Variants in XPO5 observed in about 807,000 individuals in gnomAD.
XPO5 encodes exportin 5.
Under a neutral mutation model 160.6 loss-of-function variants are expected in XPO5, and 46 were observed. The ratio of observed to expected loss-of-function variants is 0.29; its 90% confidence interval spans 0.23 to 0.37. The LOEUF (loss-of-function observed/expected upper bound fraction) is 0.37, where lower values mean the gene tolerates loss of function less well. XPO5 is among the 10% of genes least tolerant of loss of function. The pLI is 1.00. For synonymous variants in XPO5, 537 were observed against 519.3 expected, an observed-to-expected ratio of 1.03 and a Z score of -0.46; for missense variants, 1,090 against 1,463.9, an observed-to-expected ratio of 0.74 and a Z score of 4.17.
At position 43,523,267 on chromosome 6, in the gene XPO5, C is replaced by T. The variant is rs1793309817; in HGVS notation, c.*601G>A. On this transcript the variant is annotated 3_prime_UTR_variant, in exon 32 of 32. Coordinates refer to ENST00000265351, the MANE Select transcript of XPO5 (RefSeq NM_020750.3). ...ATACTGTGCCAAGTTTAGCAGTAGC[C>T]TGTACCATGGATCCCATCAGGTGAC... is the stretch of plus-strand genomic sequence containing the variant. The T allele has an allele frequency of 4.5e-6, 1 of 222,358 alleles. No individual in the cohort carries two copies. The highest frequency in any genetic ancestry group is 9.1e-6 in the Non-Finnish European group (1 of 110,348). 13.8% of individuals were successfully genotyped at this position (222,358 alleles called of 1,614,324 possible).
At chr6:43,528,694 G>C in intron 24 of XPO5, 134 bp downstream of exon 24, 1 of 793,832 alleles carries the variant, frequency 1.3e-6, no homozygotes, top group Non-Finnish European at 2.1e-6. Flanking sequence ...TAGTCAGCTG[G>C]GGTAGAAGCT....
chr6:43,536,626 G>A (rs955850114), intron 20 of XPO5, among the ~76,000 whole-genome samples: 1 of 151,178 alleles, frequency 6.6e-6, no homozygotes, highest in Non-Finnish European at 1.5e-5. Context: ...AGGCATGGTG[G>A]CACACGCCTG....
intron 10 of XPO5, 48 bp from the exon 11 acceptor site, chr6:43,560,351 A>T: frequency 1.3e-6 from 2 of 1,538,108 alleles, no homozygotes; most frequent in Non-Finnish European, 1.7e-6. Flanking sequence ...GATTCTATAT[A>T]ACCCAGATTA....
Position 43,525,285 on chromosome 6 carries a change from A to G in XPO5, c.3067-71T>C, listed in dbSNP as rs564348795. 125 of 1,401,872 alleles carry G rather than the reference A, an allele frequency of 8.9e-5. No homozygotes were observed. The African/African-American group carries it at 1.7e-3, about 19-fold the overall frequency. The allele number at this position is 1,401,872 out of a possible 1,614,324, so 86.8% of individuals were successfully genotyped here. A position where few individuals can be genotyped will look rare whatever the true frequency, so the allele number is the denominator to read the frequency against. ...TTTTCTCTGATGATTATTACACATC[A>G]GGAGCCGGAGGGTTTTTTTTTTTTC... is the stretch of plus-strand genomic sequence containing the variant. On this transcript the variant is annotated intron_variant, in intron 28 of 31. Coordinates refer to ENST00000265351, the MANE Select transcript of XPO5 (RefSeq NM_020750.3).
chr6:43,569,888 G>T (rs963985532), intron 5 of XPO5, among the ~76,000 whole-genome samples: 2 of 151,224 alleles, frequency 1.3e-5, no homozygotes, highest in African/African-American at 4.9e-5. Flanking sequence ...TTTGAGACTA[G>T]CCTTGCTAAC....
At chr6:43,569,352 A>G (rs1762871544) in intron 5 of XPO5, among the ~76,000 whole-genome samples, 1 of 152,184 alleles carries the variant, frequency 6.6e-6, no homozygotes, top group Admixed American at 6.5e-5. Context: ...ACATCAGAAT[A>G]GTGGCTATTC....
At position 43,534,257 on chromosome 6, in the gene XPO5, AG is replaced by A. The variant is rs1794177016; in HGVS notation, c.2343-251del. On this transcript the variant is annotated intron_variant, in intron 20 of 31. Coordinates refer to ENST00000265351, the MANE Select transcript of XPO5 (RefSeq NM_020750.3). The stretch of plus-strand genomic sequence containing the variant: ...AGAACTAAACCCCAAGACACAGGAC[AG>A]TATCAGAGTCCAAAGCTAGAAAGCA... Among the ~76,000 whole-genome samples, 3 of 152,240 alleles carry A rather than the reference AG, an allele frequency of 2.0e-5. No homozygotes were observed. The South Asian group carries it at 6.2e-4, about 31-fold the overall frequency.
chr6:43,529,378 TAAA>T (rs35493258), intron 23 of XPO5: 3,230 of 118,952 alleles, frequency 0.027, no homozygotes, highest in Middle Eastern at 0.071. Flanking sequence ...CCGTCTCTAC[TAAA>T]AAAAAAAAAA....
At position 43,548,334 on chromosome 6, in the gene XPO5, C is replaced by T. The variant is rs764867205; in HGVS notation, c.1987G>A (p.Glu663Lys). The change falls in exon 18 of 32, where the codon GAG (glutamate) becomes AAG (lysine). Residue 663 changes from glutamate to lysine, a missense_variant. Transcript: ENST00000265351. The part of the protein sequence containing the change: ...VLISNQFKNY[E>K]RQKVFLEELM... ...TCCTCTAGGAACACCTTCTGACGCT[C>T]GTAGTTCTTAAATTGGTTGCTAATG... 23 of 1,613,434 alleles carry T rather than the reference C, an allele frequency of 1.4e-5. No individual in the cohort carries two copies. The highest frequency in any genetic ancestry group is 1.8e-5 in the Non-Finnish European group (21 of 1,179,642).
intron 20 of XPO5, chr6:43,538,899 A>C (rs973614458): frequency 8.0e-7 from 1 of 1,246,164 alleles, no homozygotes. Context: ...TGGTCAGTGA[A>C]TTCCTGATAG....
At chr6:43,528,127 T>C in intron 25 of XPO5, 32 bp downstream of exon 25, 1 of 1,574,408 alleles carries the variant, frequency 6.4e-7, no homozygotes, top group South Asian at 1.2e-5. Context: ...TGCCAGTTCA[T>C]CCACCAAGAA....
chr6:43,548,324 T>C lies in XPO5; in HGVS notation c.1997A>G (p.Lys666Arg), dbSNP rs766221311. The part of the protein sequence containing the change: ...SNQFKNYERQ[K>R]VFLEELMAPV... The stretch of plus-strand genomic sequence containing the variant: ...TGCCATCAGCTCCTCTAGGAACACC[T>C]TCTGACGCTCGTAGTTCTTAAATTG... The change falls in exon 18 of 32, where the codon AAG (lysine) becomes AGG (arginine). Residue 666 changes from lysine (K) to arginine (R), a missense_variant. Transcript: ENST00000265351. 6.8e-6 allele frequency: 11 copies of C among 1,613,572 alleles called. No homozygotes were observed. Among genetic ancestry groups the C allele is most frequent in the Non-Finnish European group, 7.6e-6 (9 of 1,179,692 alleles).
At chr6:43,526,384 T>C in intron 27 of XPO5, 4 of 450,150 alleles carry the variant, frequency 8.9e-6, no homozygotes, top group Non-Finnish European at 1.6e-5. Context: ...GTAGCTGGGG[T>C]TGCCATTTTT....
At chr6:43,559,917 G>A (rs762467842) in intron 11 of XPO5, among the ~76,000 whole-genome samples, 3 of 152,056 alleles carry the variant, frequency 2.0e-5, no homozygotes, top group Non-Finnish European at 2.9e-5. Context: ...CCAAGCTCAG[G>A]TGATCCTCCC....
intron 6 of XPO5, among the ~76,000 whole-genome samples, chr6:43,568,416 G>A (rs1433365130): frequency 3.9e-5 from 6 of 151,928 alleles, no homozygotes; most frequent in East Asian, 1.9e-4. Context: ...GTTTGACACC[G>A]GCCTAGGCAA....
chr6:43,528,272 T>G, intron 24 of XPO5, 67 bp from the exon 25 acceptor site: 1 of 1,471,002 alleles, frequency 6.8e-7, no homozygotes, highest in Non-Finnish European at 9.3e-7. Context: ...ATATCTAAAG[T>G]CAAGTCCACT....
chr6:43,571,515 A>G (rs558486354), intron 3 of XPO5, among the ~76,000 whole-genome samples: 9 of 152,356 alleles, frequency 5.9e-5, no homozygotes, highest in Admixed American at 5.9e-4. Context: ...TTGTGTTTAA[A>G]GAGACAGTCA....
At chr6:43,554,422 CTTTTT>C (rs753397086) in intron 13 of XPO5, among the ~76,000 whole-genome samples, 3 of 136,858 alleles carry the variant, frequency 2.2e-5, no homozygotes, top group African/African-American at 5.3e-5. Flanking sequence ...CTTTTCTTTT[CTTTTT>C]TTTTTTTTTC....
chr6:43,531,346 C>T (rs1793962808), intron 22 of XPO5, 133 bp downstream of exon 22: 3 of 788,648 alleles, frequency 3.8e-6, no homozygotes, highest in Non-Finnish European at 6.2e-6. Flanking sequence ...CTATTTAACA[C>T]TAGAATGATA....
Sources: gnomAD v4.1 joint callset for allele counts (sites outside exome capture counted in the v4.1 genomes callset) on GRCh38, gnomAD v4.1.1 for gene constraint, MANE v1.5 for transcripts, NCBI Gene and HGNC (gene_info 2026-07-23, HGNC 2026-07-21) for gene names.